The following RBX1 variants were observed in gnomAD, a reference collection of about 807,000 sequenced individuals.
RBX1 encodes E3 ubiquitin-protein ligase RBX1.
For missense variants in RBX1, 46 were observed against 141.4 expected (o/e 0.33, Z 3.42); for synonymous variants, 48 against 47.9 (o/e 1.00, Z -0.01).
chr22:40,957,078 T>C (rs1210103093), intron 2 of RBX1, among the ~76,000 whole-genome samples: 1 of 151,444 alleles, frequency 6.6e-6, no homozygotes, highest in Non-Finnish European at 1.5e-5. Flanking sequence ...CGGGGCGCGG[T>C]GGCTCATGCC....
chr22:40,953,535 C>G lies in RBX1; in HGVS notation c.79-20C>G. 1 of 1,545,004 alleles carries G rather than the reference C, an allele frequency of 6.5e-7. No individual in the cohort carries two copies. Among genetic ancestry groups the G allele is most frequent in the South Asian group, 1.1e-5 (1 of 89,420 alleles). On this transcript the variant is annotated intron_variant, in intron 1 of 4. Coordinates refer to ENST00000216225, the MANE Select transcript of RBX1 (RefSeq NM_014248.4). ...TGTGTTACAAGCAGAATGCACTGTT[C>G]CCTCTTTTTGTCTTTGCAGTGGAAT...
chr22:40,963,040 C>T (rs1294545843), intron 2 of RBX1, among the ~76,000 whole-genome samples: 1 of 150,092 alleles, frequency 6.7e-6, no homozygotes, highest in Admixed American at 6.7e-5. Flanking sequence ...ACAGGTTTCA[C>T]CATGTTGGGT....
chr22:40,966,592 T>C (rs1319634284), intron 3 of RBX1: 1 of 152,264 alleles, frequency 6.6e-6, no homozygotes, highest in Non-Finnish European at 1.5e-5. Context: ...AGAATATTTG[T>C]CCTCTTGGGT....
chr22:40,969,069 T>G (rs1422755152), intron 4 of RBX1, among the ~76,000 whole-genome samples: 2 of 152,152 alleles, frequency 1.3e-5, no homozygotes, highest in Non-Finnish European at 2.9e-5. Context: ...ATCCCAGCAC[T>G]TTGGGAGGCC....
chr22:40,959,420 A>G (rs2058333965), intron 2 of RBX1, among the ~76,000 whole-genome samples: 1 of 152,196 alleles, frequency 6.6e-6, no homozygotes, highest in Non-Finnish European at 1.5e-5. Context: ...ACTAATATTT[A>G]ATCATTTTCC....
chr22:40,957,008 C>T (rs2058327454), intron 2 of RBX1, among the ~76,000 whole-genome samples: 1 of 151,132 alleles, frequency 6.6e-6, no homozygotes, highest in South Asian at 2.1e-4. Context: ...GCACTCCAGC[C>T]TGGGTGACAG....
chr22:40,971,157 A>G (rs925212614), intron 4 of RBX1, among the ~76,000 whole-genome samples: 4 of 152,140 alleles, frequency 2.6e-5, no homozygotes, highest in Non-Finnish European at 5.9e-5. Context: ...CCAGGGCTAA[A>G]TCTAAGAATT....
rs751174051 is a variant in RBX1 at position 40,964,040 on chromosome 22, C to T, written c.158-7C>T. 2 of 1,612,604 alleles carry T rather than the reference C, an allele frequency of 1.2e-6. No individual in the cohort carries two copies. The highest frequency in any genetic ancestry group is 2.2e-5 in the East Asian group (1 of 44,862). ...GTCCAGTGATCCTGTTGCTCTTGTT[C>T]CCACAGGCATAGAATGTCAAGCTAA... is the stretch of plus-strand genomic sequence containing the variant. On this transcript the variant is annotated splice_polypyrimidine_tract_variant and splice_region_variant and intron_variant, in intron 2 of 4. Coordinates refer to ENST00000216225, the MANE Select transcript of RBX1 (RefSeq NM_014248.4).
intron 2 of RBX1, among the ~76,000 whole-genome samples, chr22:40,958,307 TA>T (rs751085056): frequency 3.9e-3 from 528 of 135,082 alleles, no homozygotes; most frequent in Middle Eastern, 3.7e-3. Flanking sequence ...TGCCATAACT[TA>T]AAAAAAAAAA....
At chr22:40,964,954 T>C (rs999448241) in intron 3 of RBX1, among the ~76,000 whole-genome samples, 14 of 152,212 alleles carry the variant, frequency 9.2e-5, no homozygotes, top group Non-Finnish European at 1.9e-4. Context: ...AGATGATTTA[T>C]GTTAAAATGT....
chr22:40,952,744 A>G (rs916894536), intron 1 of RBX1, among the ~76,000 whole-genome samples: 2 of 152,170 alleles, frequency 1.3e-5, no homozygotes, highest in African/African-American at 4.8e-5. Flanking sequence ...AGAATTTGTT[A>G]TGAAGTAATC....
In RBX1 at chr22:40,967,842, G is replaced by A; in HGVS notation, c.272G>A (p.Arg91Gln). 6.2e-7 allele frequency: 1 copy of A among 1,613,818 alleles called. No individual in the cohort carries two copies. The highest frequency in any genetic ancestry group is 8.5e-7 in the Non-Finnish European group (1 of 1,179,824). Residue 91 changes from arginine (R) to glutamine (Q), a missense_variant, in exon 4 of 5, where the codon CGA becomes CAA. Transcript: ENST00000216225. The part of the protein sequence containing the change: ...FHCISRWLKT[R>Q]QVCPLDNREW... ...TGCATCTCTCGCTGGCTCAAAACACGACAGGTGTGTCCATTGGACAACAGA... is the reference window on the plus strand; with the variant it reads ...TGCATCTCTCGCTGGCTCAAAACACAACAGGTGTGTCCATTGGACAACAGA...
chr22:40,951,404 G>A lies in RBX1; in HGVS notation c.6G>A (p.Ala2=). The A allele has an allele frequency of 6.2e-7, 1 of 1,612,756 alleles. No homozygotes were observed. Among genetic ancestry groups the A allele is most frequent in the Non-Finnish European group, 8.5e-7 (1 of 1,179,238 alleles). ...ACAGACCGTGTGTTTCCAAAATGGC[G>A]GCAGCGATGGATGTGGATACCCCGA... is the stretch of plus-strand genomic sequence containing the variant. The part of the protein sequence containing the change: M[A]AAMDVDTPSG... The change falls in exon 1 of 5, where the codon GCG becomes GCA. Residue 2 remains alanine (A), a synonymous_variant. Transcript: ENST00000216225.
chr22:40,951,386 G>C lies in RBX1; in HGVS notation c.-13G>C, dbSNP rs186408571. ...AGGCGCGGTGGTCGGACGACAGACC[G>C]TGTGTTTCCAAAATGGCGGCAGCGA... is the stretch of plus-strand genomic sequence containing the variant. On this transcript the variant is annotated 5_prime_UTR_variant, in exon 1 of 5. Coordinates refer to ENST00000216225, the MANE Select transcript of RBX1 (RefSeq NM_014248.4). 167 of 1,612,034 alleles carry C rather than the reference G, an allele frequency of 1.0e-4. No individual in the cohort carries two copies. In the African/African-American group the frequency reaches 1.6e-3, roughly 15 times the overall value.
chr22:40,965,495 C>T lies in RBX1; in HGVS notation c.228+1378C>T, dbSNP rs1446664095. Reference sequence around the variant, plus strand: ...TCACTATGTGGCCCAGGCTGGAGCGCAGTGACGCAGTCCCGGCTTACTGCA... The same window carrying T: ...TCACTATGTGGCCCAGGCTGGAGCGTAGTGACGCAGTCCCGGCTTACTGCA... On this transcript the variant is annotated intron_variant, in intron 3 of 4. Transcript: ENST00000216225. 6.6e-5 allele frequency among the ~76,000 whole-genome samples: 10 copies of T among 150,514 alleles called. No individual in the cohort carries two copies. The South Asian group carries it at 1.7e-3, about 25-fold the overall frequency.
chr22:40,962,731 C>T (rs533647816), intron 2 of RBX1, among the ~76,000 whole-genome samples: 7 of 150,886 alleles, frequency 4.6e-5, no homozygotes, highest in South Asian at 4.2e-4. Flanking sequence ...CTTGCACTGT[C>T]GCCCAGGCTC....
chr22:40,958,075 G>A (rs771425393), intron 2 of RBX1, among the ~76,000 whole-genome samples: 36 of 152,070 alleles, frequency 2.4e-4, no homozygotes, highest in Non-Finnish European at 2.2e-4. Flanking sequence ...CACCCATCTC[G>A]GCCCCCAAAG....
intron 2 of RBX1, among the ~76,000 whole-genome samples, chr22:40,953,986 C>T (rs1042420012): frequency 1.3e-5 from 2 of 151,984 alleles, no homozygotes; most frequent in African/African-American, 4.8e-5. Flanking sequence ...CTAAAATATT[C>T]TGAGGCCAAG....
At chr22:40,970,053 TAAAA>T (rs71328761) in intron 4 of RBX1, among the ~76,000 whole-genome samples, 20 of 109,668 alleles carry the variant, frequency 1.8e-4, no homozygotes, top group Non-Finnish European at 3.2e-4. Flanking sequence ...AGACCCAATT[TAAAA>T]AAAAAAAAAA....
Sources: gnomAD v4.1 joint callset for allele counts (sites outside exome capture counted in the v4.1 genomes callset) on GRCh38, gnomAD v4.1.1 for gene constraint, MANE v1.5 for transcripts, NCBI Gene and HGNC (gene_info 2026-07-23, HGNC 2026-07-21) for gene names.